The following DCHS2 variants were observed in gnomAD, a reference collection of about 807,000 sequenced individuals.
DCHS2 encodes the protein dachsous cadherin-related 2, also known as protocadherin-23.
DCHS2 carries 142 observed loss-of-function variants against 182.4 expected under a neutral mutation model. The observed-to-expected ratio is 0.78, with a 90% CI of 0.68 to 0.89. DCHS2 has a LOEUF of 0.89. Among genes scored for constraint, DCHS2 ranks in the 40% least tolerant of loss-of-function variants. DCHS2 has a pLI of 0.00. For missense variants in DCHS2, 4,319 were observed against 4,198.6 expected (o/e 1.03, Z -0.79); for synonymous variants, 1,740 against 1,663.3 (o/e 1.05, Z -1.12).
intron 14 of DCHS2, chr4:154,262,076 G>C (rs1278041324): frequency 6.6e-6 from 1 of 152,122 alleles, no homozygotes; most frequent in East Asian, 1.9e-4. Context: ...GTTTGTAAAG[G>C]AAAAATAGAA....
At chr4:154,320,126 T>C (rs1237173569) in intron 9 of DCHS2, among the ~76,000 whole-genome samples, 1 of 152,142 alleles carries the variant, frequency 6.6e-6, no homozygotes, top group Non-Finnish European at 1.5e-5. Context: ...ACATGAAGTA[T>C]CTAAAATAGT....
chr4:154,290,758 C>G (rs1290659538), intron 13 of DCHS2, among the ~76,000 whole-genome samples: 1 of 152,018 alleles, frequency 6.6e-6, no homozygotes, highest in Non-Finnish European at 1.5e-5. Flanking sequence ...AAACTAGACC[C>G]CTACCTCTCA....
At chr4:154,315,714 C>G (rs1735826012) in intron 10 of DCHS2, 34 bp downstream of exon 10, 3 of 1,599,098 alleles carry the variant, frequency 1.9e-6, no homozygotes, top group Non-Finnish European at 2.6e-6. Context: ...TTCTTTTAAG[C>G]ATTAAATACC....
At chr4:154,286,569 TAAG>T (rs1343651165) in intron 13 of DCHS2, among the ~76,000 whole-genome samples, 1 of 151,736 alleles carries the variant, frequency 6.6e-6, no homozygotes, top group Admixed American at 6.6e-5. Flanking sequence ...TTGACATACT[TAAG>T]AATGCATTAC....
At chr4:154,377,932 A>G (rs1730987561) in intron 1 of DCHS2, among the ~76,000 whole-genome samples, 1 of 152,158 alleles carries the variant, frequency 6.6e-6, no homozygotes, top group African/African-American at 2.4e-5. Context: ...TGCCACCATT[A>G]CTAGAAACCC....
intron 1 of DCHS2, among the ~76,000 whole-genome samples, chr4:154,455,274 C>T (rs565804240): frequency 1.2e-4 from 18 of 152,296 alleles, no homozygotes; most frequent in Admixed American, 1.3e-4. Flanking sequence ...TAGAAAGAGC[C>T]AGGCCAGCTC....
chr4:154,444,648 A>G (rs1734191630), intron 1 of DCHS2, among the ~76,000 whole-genome samples: 1 of 152,014 alleles, frequency 6.6e-6, no homozygotes, highest in Admixed American at 6.6e-5. Context: ...CCACCCTCAC[A>G]ACACCATCCC....
chr4:154,461,736 T>C (rs1003806346), intron 1 of DCHS2, among the ~76,000 whole-genome samples: 4 of 152,172 alleles, frequency 2.6e-5, no homozygotes, highest in Non-Finnish European at 4.4e-5. Flanking sequence ...TCCTTTGTGC[T>C]CTTAAGATTA....
At chr4:154,424,056 C>A (rs1235207159) in intron 1 of DCHS2, among the ~76,000 whole-genome samples, 1 of 152,162 alleles carries the variant, frequency 6.6e-6, no homozygotes, top group African/African-American at 2.4e-5. Context: ...AGGAGCTTAA[C>A]AAATGCTTGA....
chr4:154,473,842 C>T (rs2111023599), intron 1 of DCHS2, among the ~76,000 whole-genome samples: 1 of 152,266 alleles, frequency 6.6e-6, no homozygotes, highest in East Asian at 1.9e-4. Flanking sequence ...AATAAACAAA[C>T]ATTTAGGAAG....
At chr4:154,324,067 AAC>A (rs1458145622) in intron 7 of DCHS2, among the ~76,000 whole-genome samples, 5 of 152,220 alleles carry the variant, frequency 3.3e-5, no homozygotes, top group Non-Finnish European at 7.3e-5. Flanking sequence ...ACTTTTATTT[AAC>A]AGTTTTTGAA....
At chr4:154,380,406 A>G (rs530125178) in intron 1 of DCHS2, among the ~76,000 whole-genome samples, 2 of 152,130 alleles carry the variant, frequency 1.3e-5, no homozygotes, top group Non-Finnish European at 2.9e-5. Context: ...GGTCTATTCT[A>G]TTCTGACAGC....
chr4:154,428,369 C>A (rs180993446), intron 1 of DCHS2, among the ~76,000 whole-genome samples: 2 of 151,892 alleles, frequency 1.3e-5, no homozygotes, highest in Admixed American at 1.3e-4. Flanking sequence ...GTGAGACCCC[C>A]CATCTCTACA....
intron 1 of DCHS2, among the ~76,000 whole-genome samples, chr4:154,397,421 A>G (rs1430567752): frequency 6.6e-6 from 1 of 152,216 alleles, no homozygotes; most frequent in African/African-American, 2.4e-5. Context: ...GCCCATTTGT[A>G]TACCTGAAAT....
intron 13 of DCHS2, among the ~76,000 whole-genome samples, chr4:154,293,049 T>C (rs535241281): frequency 1.3e-5 from 2 of 152,300 alleles, no homozygotes; most frequent in African/African-American, 4.8e-5. Context: ...AATATTGATG[T>C]TACTTTAGAT....
chr4:154,384,566 T>G (rs1561081909), intron 1 of DCHS2: 1 of 1,492,504 alleles, frequency 6.7e-7, no homozygotes, highest in African/African-American at 1.4e-5. Flanking sequence ...AAGTAGTGAG[T>G]ACTACCTTAT....
chr4:154,488,830 C>T (rs1197995077), intron 1 of DCHS2, among the ~76,000 whole-genome samples: 1 of 151,706 alleles, frequency 6.6e-6, no homozygotes, highest in Non-Finnish European at 1.5e-5. Flanking sequence ...CGAGATTGAG[C>T]CACTGCACTC....
chr4:154,286,303 A>G (rs768786180), intron 13 of DCHS2, among the ~76,000 whole-genome samples: 108 of 152,182 alleles, frequency 7.1e-4, no homozygotes, highest in Non-Finnish European at 1.6e-4. Context: ...ACACTGAAGA[A>G]CATCCATAAG....
chr4:154,363,094 A>G (rs1204788177), intron 3 of DCHS2, among the ~76,000 whole-genome samples: 6 of 152,104 alleles, frequency 3.9e-5, no homozygotes, highest in Non-Finnish European at 7.4e-5. Flanking sequence ...TTCTTGTTCT[A>G]TTATTTGAGA....
Sources: gnomAD v4.1 joint callset for allele counts (sites outside exome capture counted in the v4.1 genomes callset) on GRCh38, gnomAD v4.1.1 for gene constraint, MANE v1.5 for transcripts, NCBI Gene and HGNC (gene_info 2026-07-23, HGNC 2026-07-21) for gene names.